Variants in ZNF423 observed in about 807,000 individuals in gnomAD.
ZNF423 encodes zinc finger protein 423, also known as Ebf-associated zinc finger protein.
ZNF423 carries 12 observed loss-of-function variants against 95.8 expected under a neutral mutation model. That is an observed-to-expected ratio of 0.13 (90% CI 0.08 to 0.20). ZNF423 has a LOEUF of 0.20. Among genes scored for constraint, ZNF423 ranks in the 10% least tolerant of loss-of-function variants. ZNF423 has a pLI of 1.00. For missense variants in ZNF423, 1,316 were observed against 1,737.1 expected (o/e 0.76, Z 4.31); for synonymous variants, 749 against 711.9 (o/e 1.05, Z -0.83).
At chr16:49,518,220 T>G (rs1389163019) in intron 7 of ZNF423, 2 of 380,894 alleles carry the variant, frequency 5.3e-6, no homozygotes, top group Non-Finnish European at 1.0e-5. Flanking sequence ...AGCTTCTGCA[T>G]AGGTCCCCCA....
intron 1 of ZNF423, among the ~76,000 whole-genome samples, chr16:49,818,173 C>T (rs1435122096): frequency 1.3e-5 from 2 of 152,102 alleles, no homozygotes; most frequent in Admixed American, 6.6e-5. Flanking sequence ...GCACCGCCCC[C>T]CAGAATGGAT....
chr16:49,730,253 G>A (rs1035691532), intron 3 of ZNF423, among the ~76,000 whole-genome samples: 1 of 152,200 alleles, frequency 6.6e-6, no homozygotes, highest in African/African-American at 2.4e-5. Context: ...TCTAGCAGAA[G>A]CAGCTCCCAG....
chr16:49,636,589 G>A lies in ZNF423; in HGVS notation c.2587C>T (p.Pro863Ser). The A allele has an allele frequency of 6.2e-7, 1 of 1,613,832 alleles. No individual in the cohort carries two copies. The highest frequency in any genetic ancestry group is 8.5e-7 in the Non-Finnish European group (1 of 1,179,928). The change falls in exon 4 of 8, where the codon CCT becomes TCT. Residue 863 changes from proline (P) to serine (S), a missense_variant. By Grantham distance (74) the Pro-to-Ser change is moderately conservative. Around this residue, in one of 6 missense-constraint regions of ZNF423, gnomAD observed 620 missense variants for 775.6 expected, o/e 0.80. Coordinates refer to ENST00000563137, the MANE Select transcript of ZNF423 (RefSeq NM_001379286.1). The surrounding 1 kb of genome is among the most constrained non-coding windows in gnomAD (Gnocchi z 8.6). ...AGCAGCATGCCCTGCAGGTCAGCAG[G>A]CTCAGCTTTCTTGGTGGCCATTGGG... is the stretch of plus-strand genomic sequence containing the variant. ...VPPMATKKAEPADLQGMLLKN... is the reference protein window; with the variant it reads ...VPPMATKKAESADLQGMLLKN...
rs752989483 is a variant in ZNF423, at chr16:49,636,160, G to T, written c.3016C>A (p.Gln1006Lys). ...GTCRICKMPL[Q>K]SEEEFIEHCQ... ...TGCTCAATAAACTCCTCCTCGCTCT[G>T]CAGGGGCATCTTGCAGATGCGACAG... The change falls in exon 4 of 8, where the codon CAG (glutamine) becomes AAG (lysine). Residue 1006 changes from glutamine to lysine, a missense_variant. This residue lies in a region of ZNF423 where 620 missense variants were observed against 775.6 expected (regional missense o/e 0.80). Coordinates refer to ENST00000563137, the MANE Select transcript of ZNF423 (RefSeq NM_001379286.1). This position sits in a 1 kb window ranked among gnomAD's most constrained non-coding sequence, Gnocchi z 8.6. 2 of 1,613,732 alleles carry T rather than the reference G, an allele frequency of 1.2e-6. No homozygotes were observed. The highest frequency in any genetic ancestry group is 1.7e-5 in the Admixed American group (1 of 60,016).
chr16:49,720,271 T>C (rs2032827783), intron 3 of ZNF423, among the ~76,000 whole-genome samples: 1 of 152,222 alleles, frequency 6.6e-6, no homozygotes, highest in Non-Finnish European at 1.5e-5. Flanking sequence ...TCCGTGGGTC[T>C]GGAGACCTCA....
chr16:49,815,880 AAATAT>A (rs1422446154), intron 1 of ZNF423, among the ~76,000 whole-genome samples: 4 of 63,854 alleles, frequency 6.3e-5, no homozygotes, highest in African/African-American at 1.5e-4. Flanking sequence ...CAAAAAAAAA[AAATAT>A]ATATATATAT....
intron 1 of ZNF423, among the ~76,000 whole-genome samples, chr16:49,825,715 T>C (rs1264742668): frequency 6.6e-6 from 1 of 152,188 alleles, no homozygotes; most frequent in Non-Finnish European, 1.5e-5. Context: ...CTCCGGAAAC[T>C]TGAGACCAGG....
intron 7 of ZNF423, among the ~76,000 whole-genome samples, chr16:49,506,290 T>G (rs985836521): frequency 6.6e-6 from 1 of 151,170 alleles, no homozygotes. Context: ...GATGGATAGG[T>G]GGGTAGATGG....
At chr16:49,576,079 T>C (rs1452588989) in intron 5 of ZNF423, among the ~76,000 whole-genome samples, 1 of 152,204 alleles carries the variant, frequency 6.6e-6, no homozygotes. Context: ...TCTTACCCTG[T>C]TCATCCCGTT....
chr16:49,674,974 C>T (rs1234878874), intron 3 of ZNF423, among the ~76,000 whole-genome samples: 2 of 152,198 alleles, frequency 1.3e-5, no homozygotes, highest in East Asian at 3.9e-4. Context: ...CTTCCCACCA[C>T]CCAGGTAGAC....
rs78602405 is a variant in ZNF423, at chr16:49,837,601, C to T, written c.40+18134G>A. 2.3e-3 allele frequency among the ~76,000 whole-genome samples: 357 copies of T among 152,336 alleles called. 1 individual carries two copies. Among genetic ancestry groups the T allele is most frequent in the African/African-American group, 8.1e-3 (335 of 41,576 alleles). Reference sequence around the variant, plus strand: ...CTCCCAGTACCCGACCCTGCCTCTTCCTTCATCCCTGCTCCAGCCCTTCCA... The same window carrying T: ...CTCCCAGTACCCGACCCTGCCTCTTTCTTCATCCCTGCTCCAGCCCTTCCA... On this transcript the variant is annotated intron_variant, in intron 1 of 7. Transcript: ENST00000563137.
At chr16:49,705,580 T>C (rs1325245184) in intron 3 of ZNF423, among the ~76,000 whole-genome samples, 1 of 152,210 alleles carries the variant, frequency 6.6e-6, no homozygotes, top group African/African-American at 2.4e-5. Flanking sequence ...AGAGTTTCAC[T>C]CTTGTTGCCC....
intron 5 of ZNF423, among the ~76,000 whole-genome samples, chr16:49,618,402 G>A (rs1475410047): frequency 6.6e-6 from 1 of 152,180 alleles, no homozygotes; most frequent in Non-Finnish European, 1.5e-5. Flanking sequence ...TGGAGGGAGA[G>A]ACCTGTAATC....
At chr16:49,545,719 C>G (rs933858781) in intron 5 of ZNF423, among the ~76,000 whole-genome samples, 3 of 152,304 alleles carry the variant, frequency 2.0e-5, no homozygotes, top group Non-Finnish European at 4.4e-5. Context: ...ACAGTTCTGT[C>G]TCCCAAGCAA....
chr16:49,835,684 T>C (rs1310738809), intron 1 of ZNF423, among the ~76,000 whole-genome samples: 1 of 152,168 alleles, frequency 6.6e-6, no homozygotes, highest in Non-Finnish European at 1.5e-5. Flanking sequence ...CAACTCGATA[T>C]GGTCCAGAAA....
intron 1 of ZNF423, among the ~76,000 whole-genome samples, chr16:49,848,435 T>C (rs2035267959): frequency 6.6e-6 from 1 of 152,238 alleles, no homozygotes; most frequent in Non-Finnish European, 1.5e-5. Flanking sequence ...CCAACTTTCA[T>C]AGCACAAGCA....
chr16:49,547,471 G>T (rs1969480306), intron 5 of ZNF423, among the ~76,000 whole-genome samples: 1 of 152,234 alleles, frequency 6.6e-6, no homozygotes, highest in Admixed American at 6.5e-5. Context: ...TAAGAAAAAA[G>T]ATGAAACCTG....
rs550857485 is a variant in ZNF423 at position 49,733,383 on chromosome 16, C to T, written c.101-2412G>A. Among the ~76,000 whole-genome samples, 6 of 152,034 alleles carry T rather than the reference C, an allele frequency of 3.9e-5. No homozygotes were observed. In the East Asian group the frequency reaches 1.2e-3, roughly 29 times the overall value. ...AATTATCCCCTCGTTATTTTTTTGC[C>T]GTATTTACTTGGCAGCACTTTCTAT... is the stretch of plus-strand genomic sequence containing the variant. On this transcript the variant is annotated intron_variant, in intron 2 of 7. Transcript: ENST00000563137.
At chr16:49,671,536 G>T (rs1031582544) in intron 3 of ZNF423, among the ~76,000 whole-genome samples, 1 of 152,032 alleles carries the variant, frequency 6.6e-6, no homozygotes, top group Non-Finnish European at 1.5e-5. Flanking sequence ...CACCCACCCC[G>T]CCCTGCATGG....
Sources: gnomAD v4.1 joint callset for allele counts (sites outside exome capture counted in the v4.1 genomes callset) on GRCh38, gnomAD v4.1.1 for gene constraint, gnomAD v4.1.1 regional missense constraint, Gnocchi (gnomAD v3.1) non-coding constraint, MANE v1.5 for transcripts, NCBI Gene and HGNC (gene_info 2026-07-23, HGNC 2026-07-21) for gene names.